Variants in TMEM272 observed in about 807,000 individuals in gnomAD.
The protein encoded by TMEM272 is long intergenic non-protein coding RNA 282.
In TMEM272, 8 loss-of-function variants were observed where a neutral mutation model predicts 3.7. That is an observed-to-expected ratio of 2.17 (90% CI 1.27 to 3.91). The LOEUF is 3.91. TMEM272 is among the 30% of genes most tolerant of loss of function. The pLI is 0.00. For synonymous variants in TMEM272, 63 were observed against 39.8 expected, an observed-to-expected ratio of 1.58 and a Z score of -2.20; for missense variants, 166 against 91.5, an observed-to-expected ratio of 1.81 and a Z score of -3.32.
chr13:51,902,895 G>C, the TMEM272 span, among the ~76,000 whole-genome samples: 1 of 152,258 alleles, frequency 6.6e-6, no homozygotes, highest in South Asian at 2.1e-4. Flanking sequence ...GATGCCGAGG[G>C]AGTGGATAAC....
At position 51,817,054 on chromosome 13, in the gene TMEM272, C is replaced by G. The variant is rs750320020; in HGVS notation, c.261G>C (p.Val87=). 1 of 702,984 alleles carries G rather than the reference C, an allele frequency of 1.4e-6. No homozygotes were observed. The highest frequency in any genetic ancestry group is 2.6e-6 in the Non-Finnish European group (1 of 384,990). The allele number at this position is 702,984 out of a possible 1,614,324, so 43.5% of individuals were successfully genotyped here. The change falls in exon 5 of 5, where the codon GTG becomes GTC. Residue 87 remains valine (V), a synonymous_variant. Coordinates refer to ENST00000629372, the MANE Select transcript of TMEM272 (RefSeq NM_001351003.2). Reference sequence around the variant, plus strand: ...ATTCGTCATCGTCATCGTCATCAATCACCACGGCCTTGGACAGCAGCCGCC... The same window carrying G: ...ATTCGTCATCGTCATCGTCATCAATGACCACGGCCTTGGACAGCAGCCGCC... ...RMRRLLSKAV[V]IDDDDDDEYP... is the part of the protein sequence containing the mutation.
At chr13:51,865,689 A>G in the TMEM272 span, 1 of 1,614,228 alleles carries the variant, frequency 6.2e-7, no homozygotes, top group Non-Finnish European at 8.5e-7. Flanking sequence ...TGGAAAGAGG[A>G]AAAATCCTTC....
the TMEM272 span, among the ~76,000 whole-genome samples, chr13:51,924,587 G>A: frequency 1.3e-5 from 2 of 152,072 alleles, no homozygotes; most frequent in African/African-American, 4.8e-5. Context: ...GGCAGAGAGG[G>A]GATGGTGGAG....
At chr13:51,840,650 T>A (rs1159634526) in intron 1 of TMEM272, among the ~76,000 whole-genome samples, 2 of 152,232 alleles carry the variant, frequency 1.3e-5, no homozygotes, top group Non-Finnish European at 2.9e-5. Flanking sequence ...CCCTGCCCAC[T>A]GTTCTCCTGG....
the TMEM272 span, among the ~76,000 whole-genome samples, chr13:51,896,105 G>A: frequency 6.6e-6 from 1 of 152,018 alleles, no homozygotes; most frequent in African/African-American, 2.4e-5. Context: ...CAAACCCCAG[G>A]GCCCCAGTCT....
chr13:51,922,402 T>C, the TMEM272 span, among the ~76,000 whole-genome samples: 4 of 152,228 alleles, frequency 2.6e-5, no homozygotes, highest in African/African-American at 7.2e-5. Flanking sequence ...TACAAAGCAG[T>C]TGATACTTTT....
chr13:51,912,398 G>A, the TMEM272 span, among the ~76,000 whole-genome samples: 1 of 152,122 alleles, frequency 6.6e-6, no homozygotes, highest in African/African-American at 2.4e-5. Flanking sequence ...GGAGCACCGA[G>A]CCATGCCTGG....
the TMEM272 span, among the ~76,000 whole-genome samples, chr13:51,920,045 G>T: frequency 6.6e-6 from 1 of 152,160 alleles, no homozygotes. Flanking sequence ...TTATTTTGTG[G>T]AAGTCCAGGT....
chr13:51,861,666 A>G, the TMEM272 span, among the ~76,000 whole-genome samples: 4 of 152,230 alleles, frequency 2.6e-5, no homozygotes, highest in Non-Finnish European at 4.4e-5. Context: ...GAGGAGACAG[A>G]GAAAATGGAT....
At chr13:51,913,358 T>C in the TMEM272 span, among the ~76,000 whole-genome samples, 467 of 152,242 alleles carry the variant, frequency 3.1e-3, 4 homozygotes, top group African/African-American at 1.0e-2. Context: ...TTTTAAAAAA[T>C]AGTATTGGCG....
chr13:51,861,743 G>C, the TMEM272 span, among the ~76,000 whole-genome samples: 1 of 152,152 alleles, frequency 6.6e-6, no homozygotes, highest in Non-Finnish European at 1.5e-5. Context: ...CATCAAATCT[G>C]CATATCCAAG....
the TMEM272 span, among the ~76,000 whole-genome samples, chr13:51,931,664 C>T: frequency 1.3e-5 from 2 of 152,160 alleles, no homozygotes; most frequent in African/African-American, 4.8e-5. Context: ...AAGAATCTAT[C>T]TTCTAAAGAA....
At chr13:51,858,557 A>C in the TMEM272 span, among the ~76,000 whole-genome samples, 1 of 152,224 alleles carries the variant, frequency 6.6e-6, no homozygotes, top group Non-Finnish European at 1.5e-5. Context: ...CTGAATGGTA[A>C]TTAAAAGGTG....
Position 51,816,702 on chromosome 13 carries a change from C to G in TMEM272, c.*49G>C. ...GCGTCTGTGTGTCTGTGTGCACGCG[C>G]GTGCATGCACACGCATATGCATACA... On this transcript the variant is annotated 3_prime_UTR_variant, in exon 5 of 5. Transcript: ENST00000629372. The G allele has an allele frequency of 1.5e-6, 1 of 656,222 alleles. No homozygotes were observed. Among genetic ancestry groups the G allele is most frequent in the Non-Finnish European group, 2.8e-6 (1 of 358,602 alleles). 40.6% of individuals were successfully genotyped at this position (656,222 alleles called of 1,614,324 possible).
the TMEM272 span, chr13:51,933,573 T>C: frequency 6.6e-6 from 1 of 152,260 alleles, no homozygotes; most frequent in East Asian, 1.9e-4. Context: ...TGAGAGCCAC[T>C]GCCAGGTAAA....
the TMEM272 span, among the ~76,000 whole-genome samples, chr13:51,911,326 T>A: frequency 6.6e-6 from 1 of 152,232 alleles, no homozygotes; most frequent in African/African-American, 2.4e-5. Flanking sequence ...CTGCCTAGCA[T>A]GATCCTCAAC....
the TMEM272 span, among the ~76,000 whole-genome samples, chr13:51,887,246 G>A: frequency 2.4e-4 from 36 of 152,180 alleles, no homozygotes; most frequent in East Asian, 5.8e-4. Context: ...GTGGTTAGCC[G>A]CCCATACTTC....
the TMEM272 span, among the ~76,000 whole-genome samples, chr13:51,918,692 C>T: frequency 1.3e-5 from 2 of 152,020 alleles, no homozygotes; most frequent in Non-Finnish European, 2.9e-5. Flanking sequence ...GTGGTGCAAT[C>T]ACAGCTCACT....
rs147266252 is a variant in TMEM272 at position 51,817,360 on chromosome 13, G to A, written c.202-247C>T. Among the ~76,000 whole-genome samples, 145 of 152,340 alleles carry A rather than the reference G, an allele frequency of 9.5e-4. 1 individual carries two copies. The East Asian group carries it at 0.02, about 21-fold the overall frequency. On this transcript the variant is annotated intron_variant, in intron 4 of 4. Transcript: ENST00000629372. ...AAATTCATCGCCAGCATCCTCAGTG[G>A]TGTTTTCCTTTTAGATGTGTGAGTT...
Sources: gnomAD v4.1 joint callset for allele counts (sites outside exome capture counted in the v4.1 genomes callset) on GRCh38, gnomAD v4.1.1 for gene constraint, MANE v1.5 for transcripts, NCBI Gene and HGNC (gene_info 2026-07-23, HGNC 2026-07-21) for gene names.